CDC14A: variants seen among roughly 807,000 people sequenced by gnomAD.
CDC14A encodes cell division cycle 14A.
A neutral mutation model predicts 74.4 loss-of-function variants in CDC14A; 53 were observed. The ratio of observed to expected loss-of-function variants is 0.71; its 90% CI spans 0.57 to 0.89. The LOEUF (loss-of-function observed/expected upper bound fraction) is 0.89, where lower values mean the gene tolerates loss of function less well. Among genes scored for constraint, CDC14A ranks in the 40% least tolerant of loss-of-function variants. The pLI is 0.00. For synonymous variants in CDC14A, 247 were observed against 258.4 expected (o/e 0.96, Z 0.43); for missense variants, 646 against 713.7 (o/e 0.91, Z 1.08).
intron 10 of CDC14A, chr1:100,481,047 G>A (rs557119892): frequency 3.3e-5 from 5 of 152,334 alleles, no homozygotes; most frequent in African/African-American, 1.2e-4. Context: ...CTGCATCTTG[G>A]TTACTGCTTC....
At chr1:100,425,668 C>T (rs1662869799) in intron 5 of CDC14A, among the ~76,000 whole-genome samples, 1 of 152,088 alleles carries the variant, frequency 6.6e-6, no homozygotes, top group South Asian at 2.1e-4. Flanking sequence ...AACCTAGAGT[C>T]TGAGGTAATC....
At chr1:100,445,150 T>A (rs1665395126) in intron 7 of CDC14A, among the ~76,000 whole-genome samples, 1 of 152,212 alleles carries the variant, frequency 6.6e-6, no homozygotes, top group Non-Finnish European at 1.5e-5. Context: ...TAATGTTTGT[T>A]GAAGAGAAAG....
At chr1:100,453,308 AT>A (rs910903005) in intron 7 of CDC14A, among the ~76,000 whole-genome samples, 7 of 152,202 alleles carry the variant, frequency 4.6e-5, no homozygotes, top group African/African-American at 1.7e-4. Flanking sequence ...TGCAGAGCGT[AT>A]TTATCTAACC....
intron 2 of CDC14A, among the ~76,000 whole-genome samples, chr1:100,367,432 A>G (rs1653782343): frequency 6.6e-6 from 1 of 152,206 alleles, no homozygotes; most frequent in Admixed American, 6.5e-5. Context: ...GTATTTCATT[A>G]TACCAAAGTT....
Position 100,467,625 on chromosome 1 carries a change from C to G in CDC14A, c.839-331C>G, listed in dbSNP as rs527401700. ...CCTTTCCACCCTCATCCCAACCCCC[C>G]AGCCACCCTTGCTTCCCTGCCCCAG... On this transcript the variant is annotated intron_variant, in intron 9 of 15. Coordinates refer to ENST00000336454, the MANE Select transcript of CDC14A (RefSeq NM_003672.4). Among the ~76,000 whole-genome samples the G allele has an allele frequency of 5.3e-5, 8 of 152,228 alleles. No individual in the cohort carries two copies. The East Asian group carries it at 1.2e-3, about 22-fold the overall frequency.
In CDC14A at chr1:100,519,311, C is replaced by T. The variant is rs1182940499; in HGVS notation, c.*1031C>T. The T allele has an allele frequency of 6.6e-6, 1 of 151,982 alleles. No individual in the cohort carries two copies. The highest frequency in any genetic ancestry group is 1.5e-5 in the Non-Finnish European group (1 of 67,942). The allele number at this position is 151,982 out of a possible 1,614,324, so 9.4% of individuals were successfully genotyped here. On this transcript the variant is annotated 3_prime_UTR_variant, in exon 16 of 16. Transcript: ENST00000336454. ...GATATTTTTAAAACAGGGTACAACC[C>T]CCTGCTGCACACGCTAGCATATCTG...
intron 11 of CDC14A, among the ~76,000 whole-genome samples, chr1:100,491,650 C>G (rs1670712502): frequency 7.3e-6 from 1 of 137,276 alleles, no homozygotes; most frequent in African/African-American, 2.7e-5. Flanking sequence ...AGGCTCACTG[C>G]AACCTCTGCC....
chr1:100,381,621 A>T (rs942010398), intron 3 of CDC14A, among the ~76,000 whole-genome samples: 5 of 152,120 alleles, frequency 3.3e-5, no homozygotes, highest in Admixed American at 3.3e-4. Flanking sequence ...CCAGTTGATG[A>T]TTTGAGTTGG....
intron 3 of CDC14A, among the ~76,000 whole-genome samples, chr1:100,387,815 C>T (rs904798203): frequency 2.6e-5 from 4 of 151,788 alleles, no homozygotes; most frequent in Admixed American, 6.6e-5. Context: ...CTTTAGAATG[C>T]GAGAGAGAAA....
intron 11 of CDC14A, among the ~76,000 whole-genome samples, chr1:100,491,546 CTCTA>C (rs1185354897): frequency 2.6e-3 from 104 of 39,912 alleles, no homozygotes; most frequent in African/African-American, 6.7e-3. Context: ...CTCTCTCTCT[CTCTA>C]TATATATATA....
chr1:100,412,714 ATATATATATTTTATATATATATATTT>A (rs1221001799), intron 4 of CDC14A, among the ~76,000 whole-genome samples: 1 of 100,888 alleles, frequency 9.9e-6, no homozygotes, highest in East Asian at 2.4e-4. Flanking sequence ...ATATATATAT[ATATATATATTTTATATATATATATTT>A]TATATATATA....
chr1:100,382,266 A>G (rs12093578), intron 3 of CDC14A, among the ~76,000 whole-genome samples: 31,396 of 134,842 alleles, frequency 0.23, 4,383 homozygotes, highest in African/African-American at 0.42. Flanking sequence ...CCTGGGCTGG[A>G]GTGCCATGGT....
intron 5 of CDC14A, among the ~76,000 whole-genome samples, chr1:100,436,583 C>A (rs1664369173): frequency 6.6e-6 from 1 of 152,000 alleles, no homozygotes; most frequent in African/African-American, 2.4e-5. Context: ...TGCCACCATG[C>A]CTGGCTAATT....
chr1:100,491,570 A>T (rs59065356), intron 11 of CDC14A, among the ~76,000 whole-genome samples: 1,471 of 64,514 alleles, frequency 0.023, 42 homozygotes, highest in African/African-American at 0.052. Flanking sequence ...ATATATATAT[A>T]TATTTTTTTT....
intron 11 of CDC14A, 45 bp from the exon 12 acceptor site, chr1:100,494,773 A>G (rs1166559553): frequency 6.4e-6 from 7 of 1,097,720 alleles, no homozygotes; most frequent in Admixed American, 1.7e-5. Context: ...AAACCTATAT[A>G]AAGCCAAATT....
chr1:100,347,772 T>C (rs918189872), upstream of CDC14A, among the ~76,000 whole-genome samples: 2 of 152,244 alleles, frequency 1.3e-5, no homozygotes, highest in African/African-American at 4.8e-5. Flanking sequence ...ATCTGAAAAT[T>C]AATTTACAGA....
At chr1:100,366,778 C>T (rs761833878) in intron 2 of CDC14A, among the ~76,000 whole-genome samples, 3 of 152,182 alleles carry the variant, frequency 2.0e-5, no homozygotes, top group Non-Finnish European at 4.4e-5. Context: ...TAGCTATTTA[C>T]ACTTACTGAA....
chr1:100,471,700 G>C (rs1668414714), intron 10 of CDC14A, among the ~76,000 whole-genome samples: 1 of 152,062 alleles, frequency 6.6e-6, no homozygotes. Flanking sequence ...AAAATATACA[G>C]ACACTTGATT....
At position 100,420,063 on chromosome 1, in the gene CDC14A, C is replaced by CACACACACATATATATAT; in HGVS notation, c.310-4158_310-4157insCACACACATATATATATA. ...ACACACACACACACACACACACACA[C>CACACACACATATATATAT]ATATATATATATATATATAGTGTGT... On this transcript the variant is annotated intron_variant, in intron 4 of 15. Transcript: ENST00000336454. 2.8e-3 allele frequency among the ~76,000 whole-genome samples: 174 copies of CACACACACATATATATAT among 61,534 alleles called. 2 individuals are homozygous for CACACACACATATATATAT. The highest frequency in any genetic ancestry group is 6.4e-3 in the African/African-American group (159 of 24,882). The allele number at this position is 61,534 out of a possible 152,430, so 40.4% of individuals were successfully genotyped here.
Sources: gnomAD v4.1 joint callset for allele counts (sites outside exome capture counted in the v4.1 genomes callset) on GRCh38, gnomAD v4.1.1 for gene constraint, MANE v1.5 for transcripts, NCBI Gene and HGNC (gene_info 2026-07-23, HGNC 2026-07-21) for gene names.